LTBP4: variants seen among roughly 807,000 people sequenced by gnomAD.
The protein encoded by LTBP4 is latent-transforming growth factor beta-binding protein 4.
In LTBP4, 93 loss-of-function variants were observed where a neutral mutation model predicts 180.2. The observed-to-expected ratio is 0.52, with a 90% CI of 0.44 to 0.61. The LOEUF is 0.61. LTBP4 is among the 20% of genes least tolerant of loss of function. The pLI is 0.00. For synonymous variants in LTBP4, 947 were observed against 934.5 expected (o/e 1.01, Z -0.24); for missense variants, 2,116 against 2,256.5 (o/e 0.94, Z 1.26).
intron 21 of LTBP4, among the ~76,000 whole-genome samples, chr19:40,618,159 G>A (rs893671725): frequency 5.9e-5 from 9 of 151,462 alleles, no homozygotes; most frequent in Admixed American, 5.9e-4. Context: ...TAACTCCTGG[G>A]CTCAAGCCAT....
rs370485510 is a variant in LTBP4 at position 40,613,207 on chromosome 19, T to C, written c.2431+11T>C. The C allele has an allele frequency of 7.6e-5, 119 of 1,560,238 alleles. 1 individual carries two copies. The South Asian group carries it at 1.1e-3, about 15-fold the overall frequency. On this transcript the variant is annotated intron_variant, in intron 16 of 29. Transcript: ENST00000396819. The surrounding 1 kb of genome is among the most constrained non-coding windows in gnomAD (Gnocchi z 5.0). ...CCGGGCCCTGCGCAGGTGAGCAGCA[T>C]AGGGACCCGCCAGAGAGTCTGGGAG...
chr19:40,601,350 G>T (rs1456186005), upstream of LTBP4: 51 of 1,086,820 alleles, frequency 4.7e-5, no homozygotes, highest in Non-Finnish European at 5.6e-5. Flanking sequence ...CCTCGGGCGG[G>T]CTGGGGCGGC....
chr19:40,612,898 C>T (rs1473000363), intron 15 of LTBP4, among the ~76,000 whole-genome samples, 167 bp from the exon 16 acceptor site: 1 of 152,196 alleles, frequency 6.6e-6, no homozygotes, highest in East Asian at 1.9e-4. Flanking sequence ...CCATGGTCCC[C>T]GGAACCCGAG....
Position 40,617,003 on chromosome 19 carries a change from C to A in LTBP4, c.2927C>A (p.Pro976Gln). ...PACDPGYQPT[P>Q]GGGCQDVDEC... ...TGTGACCCTGGCTATCAGCCCACGC[C>A]AGGGGGCGGATGCCAGGGTGGGTGT... is the stretch of plus-strand genomic sequence containing the variant. Residue 976 changes from proline (P) to glutamine (Q), a missense_variant, in exon 20 of 30, where the codon CCA becomes CAA. Coordinates refer to ENST00000396819, the MANE Select transcript of LTBP4 (RefSeq NM_001042545.2). 6.2e-7 allele frequency: 1 copy of A among 1,613,450 alleles called. No individual in the cohort carries two copies. Among genetic ancestry groups the A allele is most frequent in the Non-Finnish European group, 8.5e-7 (1 of 1,179,392 alleles).
At position 40,627,324 on chromosome 19, in the gene LTBP4, C is replaced by T. The variant is rs369428290; in HGVS notation, c.4335C>T (p.Pro1445=). ...ACACCCGCCGCTCCTTCCCAGAGCC[C>T]GAGGAGCCTCCTGAAGGTGGAAGCT... ...SRDTRRSFPE[P]EEPPEGGSYA... Residue 1445 remains proline, a synonymous_variant, in exon 28 of 30, where the codon CCC becomes CCT. Coordinates refer to ENST00000396819, the MANE Select transcript of LTBP4 (RefSeq NM_001042545.2). 6 of 1,520,440 alleles carry T rather than the reference C, an allele frequency of 3.9e-6. No homozygotes were observed. Among genetic ancestry groups the T allele is most frequent in the Admixed American group, 2.0e-5 (1 of 50,010 alleles). The allele number at this position is 1,520,440 out of a possible 1,614,324, so 94.2% of individuals were successfully genotyped here. A position where few individuals can be genotyped will look rare whatever the true frequency, so the allele number is the denominator to read the frequency against.
chr19:40,619,027 G>T (rs1002130614), intron 21 of LTBP4, among the ~76,000 whole-genome samples: 20 of 151,884 alleles, frequency 1.3e-4, no homozygotes, highest in African/African-American at 4.6e-4. Flanking sequence ...TAGCAAAAGC[G>T]CCAGGCCTGG....
At position 40,613,138 on chromosome 19, in the gene LTBP4, C is replaced by G; in HGVS notation, c.2373C>G (p.Phe791Leu). Residue 791 changes from phenylalanine to leucine, a missense_variant, in exon 16 of 30, where the codon TTC (phenylalanine) becomes TTG (leucine). Around this residue, in one of 5 missense-constraint regions of LTBP4, gnomAD observed 877 missense variants for 873.6 expected, o/e 1.00. Transcript: ENST00000396819. The surrounding 1 kb of genome is among the most constrained non-coding windows in gnomAD (Gnocchi z 5.0). ...ACTGCACTAACACCGAAGGCTCCTT[C>G]CGCTGCAGCTGCGCGCCAGGCTACC... is the stretch of plus-strand genomic sequence containing the variant. Reference protein sequence around the residue: ...HGHCTNTEGSFRCSCAPGYRA... With the variant: ...HGHCTNTEGSLRCSCAPGYRA... The G allele has an allele frequency of 1.2e-6, 2 of 1,601,014 alleles. No homozygotes were observed. Among genetic ancestry groups the G allele is most frequent in the Non-Finnish European group, 1.7e-6 (2 of 1,174,068 alleles).
At chr19:40,599,390 T>G, upstream of LTBP4, 1 of 1,610,102 alleles carries the variant, frequency 6.2e-7, no homozygotes, top group South Asian at 1.1e-5. Context: ...GGTCCCCTCC[T>G]TCCCCACTTA....
chr19:40,606,420 G>A lies in LTBP4; in HGVS notation c.885G>A (p.Ala295=). The A allele has an allele frequency of 6.3e-7, 1 of 1,597,268 alleles. No homozygotes were observed. Among genetic ancestry groups the A allele is most frequent in the Non-Finnish European group, 8.5e-7 (1 of 1,171,570 alleles). The change falls in exon 6 of 30, where the codon GCG becomes GCA. Residue 295 remains alanine (A), a synonymous_variant. Coordinates refer to ENST00000396819, the MANE Select transcript of LTBP4 (RefSeq NM_001042545.2). ...NGSCEDVDEC[A]TGGRCQHGEC... is the part of the protein sequence containing the mutation. ...CCCTGGCAGATGTGGATGAGTGCGCGACTGGCGGGCGCTGCCAGCACGGCG... is the reference window on the plus strand; with the variant it reads ...CCCTGGCAGATGTGGATGAGTGCGCAACTGGCGGGCGCTGCCAGCACGGCG...
chr19:40,628,588 C>T (rs771192325), intron 29 of LTBP4, among the ~76,000 whole-genome samples: 18 of 152,186 alleles, frequency 1.2e-4, no homozygotes, highest in Non-Finnish European at 2.4e-4. Flanking sequence ...TGACGCTGGA[C>T]AGGTCACTGT....
chr19:40,613,796 T>C lies in LTBP4; in HGVS notation c.2558-120T>C. On this transcript the variant is annotated intron_variant, in intron 17 of 29. Coordinates refer to ENST00000396819, the MANE Select transcript of LTBP4 (RefSeq NM_001042545.2). The surrounding 1 kb of genome is among the most constrained non-coding windows in gnomAD (Gnocchi z 5.0). ...GGTGTTTGCAGGGAGGGAAGTAGCG[T>C]GAGGCAGGTTGGGGAAGGCGTGAGA... is the stretch of plus-strand genomic sequence containing the variant. 6.9e-7 allele frequency: 1 copy of C among 1,449,358 alleles called. No individual in the cohort carries two copies. The highest frequency in any genetic ancestry group is 1.9e-5 in the Admixed American group (1 of 53,166). The allele number at this position is 1,449,358 out of a possible 1,614,324, so 89.8% of individuals were successfully genotyped here. A position where few individuals can be genotyped will look rare whatever the true frequency, so the allele number is the denominator to read the frequency against.
chr19:40,617,002 C>T lies in LTBP4; in HGVS notation c.2926C>T (p.Pro976Ser). Residue 976 changes from proline to serine, a missense_variant, in exon 20 of 30, where the codon CCA (proline) becomes TCA (serine). Coordinates refer to ENST00000396819, the MANE Select transcript of LTBP4 (RefSeq NM_001042545.2). ...CTGTGACCCTGGCTATCAGCCCACG[C>T]CAGGGGGCGGATGCCAGGGTGGGTG... ...PACDPGYQPT[P>S]GGGCQDVDEC... 1 of 1,613,466 alleles carries T rather than the reference C, an allele frequency of 6.2e-7. No homozygotes were observed. The highest frequency in any genetic ancestry group is 1.3e-5 in the African/African-American group (1 of 75,042).
At chr19:40,627,501 G>A (rs956878822) in intron 28 of LTBP4, 146 bp downstream of exon 28, 21 of 1,305,672 alleles carry the variant, frequency 1.6e-5, no homozygotes, top group Non-Finnish European at 2.0e-5. Flanking sequence ...AGTGTCTATA[G>A]CCCGGCAAAG....
At chr19:40,593,604 G>A (rs949955975) in intron 1 of LTBP4, among the ~76,000 whole-genome samples, 34 of 150,860 alleles carry the variant, frequency 2.3e-4, no homozygotes, top group African/African-American at 7.6e-4. Context: ...ATATTGGCAT[G>A]TTAGGAAATC....
At chr19:40,614,666 C>T (rs1235745176) in intron 19 of LTBP4, among the ~76,000 whole-genome samples, 6 of 152,180 alleles carry the variant, frequency 3.9e-5, no homozygotes, top group Non-Finnish European at 8.8e-5. Flanking sequence ...AGTCCATTCC[C>T]CCTCTGCAGC....
In LTBP4 at chr19:40,609,153, G is replaced by GT. The variant is rs1164837120; in HGVS notation, c.1427-375dup. On this transcript the variant is annotated intron_variant, in intron 9 of 29. Transcript: ENST00000396819. This position sits in a 1 kb window ranked among gnomAD's most constrained non-coding sequence, Gnocchi z 4.9. ...TCTCATTGGTAAAATGGGGATGGTT[G>GT]TTGAGATGCCTCTGAAGTGTCTGAC... 6.6e-6 allele frequency among the ~76,000 whole-genome samples: 1 copy of GT among 152,176 alleles called. No homozygotes were observed. The highest frequency in any genetic ancestry group is 1.5e-5 in the Non-Finnish European group (1 of 68,034).
At chr19:40,599,093 C>G, upstream of LTBP4, 1 of 1,020,158 alleles carries the variant, frequency 9.8e-7, no homozygotes. Context: ...ATACCTGTTT[C>G]AAGCCCCCTC....
intron 22 of LTBP4, among the ~76,000 whole-genome samples, chr19:40,621,895 G>C (rs2081588513): frequency 6.6e-6 from 1 of 152,120 alleles, no homozygotes; most frequent in Non-Finnish European, 1.5e-5. Flanking sequence ...TTACAGGCAT[G>C]CGCCACCACA....
upstream of LTBP4, among the ~76,000 whole-genome samples, chr19:40,600,817 C>A (rs529184041): frequency 1.3e-5 from 2 of 152,190 alleles, no homozygotes; most frequent in South Asian, 4.1e-4. The surrounding 1 kb of genome is among the most constrained non-coding windows in gnomAD (Gnocchi z 4.4). Flanking sequence ...GTGGCTACAT[C>A]TTCACATGTA....
Sources: gnomAD v4.1 joint callset for allele counts (sites outside exome capture counted in the v4.1 genomes callset) on GRCh38, gnomAD v4.1.1 for gene constraint, gnomAD v4.1.1 regional missense constraint, Gnocchi (gnomAD v3.1) non-coding constraint, MANE v1.5 for transcripts, NCBI Gene and HGNC (gene_info 2026-07-23, HGNC 2026-07-21) for gene names.